Variants in RPAP1 observed in about 807,000 individuals in gnomAD.
RPAP1 encodes RNA polymerase II-associated protein 1.
Under a neutral mutation model 142.4 loss-of-function variants are expected in RPAP1, and 109 were observed. The ratio of observed to expected loss-of-function variants is 0.77; its 90% CI spans 0.66 to 0.90. The LOEUF (loss-of-function observed/expected upper bound fraction) is 0.90, where lower values mean the gene tolerates loss of function less well. RPAP1 is among the 40% of genes least tolerant of loss of function. RPAP1 has a pLI of 0.00. For missense variants in RPAP1, 1,546 were observed against 1,751.7 expected, an observed-to-expected ratio of 0.88 and a Z score of 2.10; for synonymous variants, 704 against 738.9, an observed-to-expected ratio of 0.95 and a Z score of 0.77.
At chr15:41,537,347 C>T in intron 1 of RPAP1, 146 bp from the exon 2 acceptor site, 2 of 561,390 alleles carry the variant, frequency 3.6e-6, no homozygotes, top group Non-Finnish European at 6.3e-6. Flanking sequence ...TGTCTTCAGC[C>T]CTCCCTGATG....
rs752547242 is a variant in RPAP1, at chr15:41,536,561, GTCC to G, written c.267_269del (p.Glu89del). 6 of 1,614,032 alleles carry G rather than the reference GTCC, an allele frequency of 3.7e-6. No individual in the cohort carries two copies. ...CATGCCTCCTCAGCCTCTCTTCTGG[GTCC>G]TCATCCTCAGGCAGGCAGTGGCCAG... On this transcript the variant is annotated inframe_deletion, in exon 3 of 25. Coordinates refer to ENST00000304330, the MANE Select transcript of RPAP1 (RefSeq NM_015540.4).
At chr15:41,521,322 CT>C (rs1032981035) in intron 21 of RPAP1, among the ~76,000 whole-genome samples, 175 bp from the exon 22 acceptor site, 4 of 152,252 alleles carry the variant, frequency 2.6e-5, no homozygotes, top group African/African-American at 9.6e-5. Context: ...CTACAGCCAG[CT>C]GCCTAGGCAT....
chr15:41,518,843 C>A (rs2051695965), intron 22 of RPAP1, among the ~76,000 whole-genome samples: 3 of 152,250 alleles, frequency 2.0e-5, no homozygotes, highest in Admixed American at 6.5e-5. Flanking sequence ...GAGACTCTGT[C>A]TCAAAAACAA....
chr15:41,532,696 G>A (rs2051864496), intron 6 of RPAP1, among the ~76,000 whole-genome samples: 1 of 152,014 alleles, frequency 6.6e-6, no homozygotes, highest in African/African-American at 2.4e-5. Context: ...GGCCTCGGCT[G>A]GGCACGGTGA....
chr15:41,523,304 C>G lies in RPAP1; in HGVS notation c.2487G>C (p.Glu829Asp). 1 of 1,612,700 alleles carries G rather than the reference C, an allele frequency of 6.2e-7. No homozygotes were observed. Among genetic ancestry groups the G allele is most frequent in the Non-Finnish European group, 8.5e-7 (1 of 1,179,354 alleles). The change falls in exon 18 of 25, where the codon GAG (glutamate) becomes GAC (aspartate). Residue 829 changes from glutamate (E) to aspartate (D), a missense_variant. Glu to Asp is a conservative substitution (Grantham distance 45, BLOSUM62 2). Transcript: ENST00000304330. ...DWLQDMQRLS[E>D]ELLLPLLSQP... is the part of the protein sequence containing the mutation. ...GACTCAGCAGTGGCAGCAGCAGCTCCTCTGACAGGCGCTGCATGTCCTGGA... is the reference window on the plus strand; with the variant it reads ...GACTCAGCAGTGGCAGCAGCAGCTCGTCTGACAGGCGCTGCATGTCCTGGA...
At chr15:41,543,603 T>C (rs903247268) in intron 1 of RPAP1, among the ~76,000 whole-genome samples, 2 of 152,192 alleles carry the variant, frequency 1.3e-5, no homozygotes, top group Non-Finnish European at 2.9e-5. Context: ...TAAATGACTA[T>C]ACACGCAAAA....
chr15:41,543,446 C>G (rs1269634274), intron 1 of RPAP1, among the ~76,000 whole-genome samples: 1 of 152,112 alleles, frequency 6.6e-6, no homozygotes, highest in Non-Finnish European at 1.5e-5. Flanking sequence ...CTCCTGATCT[C>G]AGGTGACCCG....
In RPAP1 at chr15:41,522,219, T is replaced by C. The variant is rs1368583354; in HGVS notation, c.2774A>G (p.Gln925Arg). The change falls in exon 20 of 25, where the codon CAG (glutamine) becomes CGG (arginine). Residue 925 changes from glutamine to arginine, a missense_variant. By Grantham distance (43) the Gln-to-Arg change is conservative. Transcript: ENST00000304330. ...AGCCACACACTGGAGGAAGTAATTC[T>C]GGAGTCCCGGGGCAGCCAATATGGC... is the stretch of plus-strand genomic sequence containing the variant. Reference protein sequence around the residue: ...LAAILAAPGLQNYFLQCVAPG... With the variant: ...LAAILAAPGLRNYFLQCVAPG... 1.2e-6 allele frequency: 2 copies of C among 1,613,894 alleles called. No homozygotes were observed. The highest frequency in any genetic ancestry group is 8.5e-7 in the Non-Finnish European group (1 of 1,179,998).
intron 5 of RPAP1, 86 bp downstream of exon 5, chr15:41,535,426 G>T: frequency 1.3e-6 from 2 of 1,495,126 alleles, no homozygotes; most frequent in South Asian, 2.7e-5. Context: ...CCTCTCATTT[G>T]AGGCAGGAAG....
intron 2 of RPAP1, 78 bp from the exon 3 acceptor site, chr15:41,536,727 G>A (rs1368948955): frequency 3.3e-6 from 5 of 1,537,956 alleles, no homozygotes; most frequent in African/African-American, 1.4e-5. Flanking sequence ...AAGAAAGACA[G>A]CTGCCATGGG....
rs2051909494 is a variant in RPAP1, at chr15:41,536,503, T to C, written c.328A>G (p.Ile110Val). ...QHITAVLTKIIERDTSSVAVN... is the reference protein window; with the variant it reads ...QHITAVLTKIVERDTSSVAVN... ...TACTCAGCCAGAGTGAGACGCACAATAATCTTAGTCAAGACAGCAGTGATG... is the reference window on the plus strand; with the variant it reads ...TACTCAGCCAGAGTGAGACGCACAACAATCTTAGTCAAGACAGCAGTGATG... The change falls in exon 3 of 25, where the codon ATT becomes GTT. Residue 110 changes from isoleucine (I) to valine (V), a missense_variant and splice_region_variant. By Grantham distance (29) the Ile-to-Val change is conservative. This residue lies in a region of RPAP1 where 1,333 missense variants were observed against 1,486.6 expected (regional missense o/e 0.90). Transcript: ENST00000304330. 2 of 1,613,882 alleles carry C rather than the reference T, an allele frequency of 1.2e-6. No individual in the cohort carries two copies. Among genetic ancestry groups the C allele is most frequent in the Non-Finnish European group, 1.7e-6 (2 of 1,179,992 alleles).
At chr15:41,529,800 A>C in intron 8 of RPAP1, 64 bp downstream of exon 8, 3 of 1,221,334 alleles carry the variant, frequency 2.5e-6, no homozygotes, top group Non-Finnish European at 3.5e-6. Flanking sequence ...TCTGAGGGCA[A>C]GAGCAGCAGC....
In RPAP1 at chr15:41,537,883, C is replaced by CAAAA. The variant is rs34270949; in HGVS notation, c.-76-686_-76-683dup. ...GGGCAACAAGAGTAAAACTCCGTCT[C>CAAAA]AAAAAAAAAAAAAAAAATTGTATGT... On this transcript the variant is annotated intron_variant, in intron 1 of 24. Coordinates refer to ENST00000304330, the MANE Select transcript of RPAP1 (RefSeq NM_015540.4). Among the ~76,000 whole-genome samples, 4 of 131,576 alleles carry CAAAA rather than the reference C, an allele frequency of 3.0e-5. 1 individual carries two copies. The highest frequency in any genetic ancestry group is 4.7e-5 in the Non-Finnish European group (3 of 63,442). The allele number at this position is 131,576 out of a possible 152,430, so 86.3% of individuals were successfully genotyped here.
At chr15:41,543,498 C>T (rs1026072330) in intron 1 of RPAP1, among the ~76,000 whole-genome samples, 2 of 152,044 alleles carry the variant, frequency 1.3e-5, no homozygotes, top group African/African-American at 4.8e-5. Context: ...CAGGCGTGAG[C>T]CACCGTGCGC....
chr15:41,543,271 AC>A (rs2051989154), intron 1 of RPAP1, among the ~76,000 whole-genome samples: 1 of 136,112 alleles, frequency 7.3e-6, no homozygotes, highest in Non-Finnish European at 1.5e-5. Flanking sequence ...GTGCAATAGC[AC>A]GATCTCGGCA....
chr15:41,539,243 G>C (rs1329723081), intron 1 of RPAP1, among the ~76,000 whole-genome samples: 1 of 151,946 alleles, frequency 6.6e-6, no homozygotes, highest in African/African-American at 2.4e-5. Context: ...CAAAAAGCTA[G>C]GACTACAGAT....
Position 41,537,032 on chromosome 15 carries a change from A to G in RPAP1, c.94T>C (p.Leu32=), listed in dbSNP as rs721772. 811,887 of 1,613,630 alleles carry G rather than the reference A, an allele frequency of 0.5. 208,737 individuals are homozygous for G. Among genetic ancestry groups the G allele is most frequent in the Middle Eastern group, 0.56 (3,382 of 6,062 alleles). The change falls in exon 2 of 25, where the codon TTG becomes CTG. Residue 32 remains leucine, a synonymous_variant. Transcript: ENST00000304330. Reference sequence around the variant, plus strand: ...CCGCCCCTATTTCCTTTCTTCACCAACTGCACTGCTGGGGCTGCACCAGCT... The same window carrying G: ...CCGCCCCTATTTCCTTTCTTCACCAGCTGCACTGCTGGGGCTGCACCAGCT... ...LAAGAAPAVQ[L]VKKGNRGGGD... is the part of the protein sequence containing the mutation.
chr15:41,522,399 GT>G, intron 19 of RPAP1, 149 bp from the exon 20 acceptor site: 29 of 765,448 alleles, frequency 3.8e-5, no homozygotes, highest in South Asian at 9.3e-5. Flanking sequence ...TTTCTTTTTG[GT>G]TTTTTTTGAG....
chr15:41,517,883 C>T, intron 23 of RPAP1, 26 bp from the exon 24 acceptor site: 2 of 1,614,054 alleles, frequency 1.2e-6, no homozygotes, highest in Non-Finnish European at 1.7e-6. Flanking sequence ...GGAGAGGTGG[C>T]ACTGAGCCGA....
Sources: allele counts gnomAD v4.1 joint callset (sites outside exome capture counted in the v4.1 genomes callset), GRCh38; gene constraint gnomAD v4.1.1; regional missense constraint gnomAD v4.1.1; transcripts MANE v1.5; gene names NCBI Gene and HGNC (gene_info 2026-07-23, HGNC 2026-07-21).